CREB3L2: variants seen among roughly 807,000 people sequenced by gnomAD.
CREB3L2 encodes cAMP responsive element binding protein 3 like 2, also known as cyclic AMP-responsive element-binding protein 3-like protein 2.
CREB3L2 carries 23 observed loss-of-function variants against 57.2 expected under a neutral mutation model. The observed-to-expected ratio is 0.40, with a 90% CI of 0.29 to 0.57. The LOEUF (loss-of-function observed/expected upper bound fraction) is 0.57. Ranked by LOEUF, CREB3L2 falls within the 20% of genes least tolerant of loss-of-function variation. The pLI, the probability that CREB3L2 is intolerant of heterozygous loss-of-function variation, is 0.42. For missense variants in CREB3L2, 628 were observed against 634.7 expected (o/e 0.99, Z 0.11); for synonymous variants, 268 against 265.1 (o/e 1.01, Z -0.11).
At chr7:137,890,709 T>G (rs528010227) in intron 8 of CREB3L2, among the ~76,000 whole-genome samples, 19 of 152,314 alleles carry the variant, frequency 1.2e-4, no homozygotes, top group African/African-American at 4.3e-4. Flanking sequence ...GGAAAGCCTG[T>G]GACCTCGTAA....
intron 1 of CREB3L2, among the ~76,000 whole-genome samples, chr7:137,972,215 C>A (rs868362166): frequency 4.0e-5 from 6 of 151,834 alleles, no homozygotes; most frequent in African/African-American, 1.5e-4. Flanking sequence ...CTGAGGCGGG[C>A]GGATCACAAT....
At chr7:137,990,047 C>T (rs1488548782) in intron 1 of CREB3L2, among the ~76,000 whole-genome samples, 4 of 152,314 alleles carry the variant, frequency 2.6e-5, no homozygotes, top group Non-Finnish European at 4.4e-5. Flanking sequence ...AAATACATTT[C>T]TGCTCCTGTC....
chr7:137,962,386 C>T lies in CREB3L2; in HGVS notation c.103-34020G>A, dbSNP rs1801337506. ...CCTCTACTCAAATCCTGAATCTCAT[C>T]AGGATGAACAAAGGGTTTCTAGGCC... On this transcript the variant is annotated intron_variant, in intron 1 of 11. Coordinates refer to ENST00000330387, the MANE Select transcript of CREB3L2 (RefSeq NM_194071.4). Among the ~76,000 whole-genome samples the T allele has an allele frequency of 2.0e-5, 3 of 152,118 alleles. No individual in the cohort carries two copies. The South Asian group carries it at 6.2e-4, about 32-fold the overall frequency.
chr7:137,958,174 C>G (rs879565869), intron 1 of CREB3L2, among the ~76,000 whole-genome samples: 4 of 152,170 alleles, frequency 2.6e-5, no homozygotes, highest in African/African-American at 4.8e-5. Context: ...TCAATTTGAA[C>G]AGTTCACACT....
At chr7:137,895,650 A>AAAAAAAAAAAAG (rs1295924394) in intron 8 of CREB3L2, among the ~76,000 whole-genome samples, 43 of 150,196 alleles carry the variant, frequency 2.9e-4, no homozygotes, top group Non-Finnish European at 4.4e-4. Context: ...TACAAAAAAA[A>AAAAAAAAAAAAG]AAAGAAAGAA....
At chr7:137,935,970 C>T in intron 1 of CREB3L2, 2 of 979,930 alleles carry the variant, frequency 2.0e-6, no homozygotes, top group Non-Finnish European at 2.4e-6. Flanking sequence ...CCACTTCCTG[C>T]TGCTAACAAC....
At chr7:137,960,805 A>ATTTTTTTTTT (rs1338965683) in intron 1 of CREB3L2, among the ~76,000 whole-genome samples, 1 of 81,956 alleles carries the variant, frequency 1.2e-5, no homozygotes, top group Non-Finnish European at 2.4e-5. Flanking sequence ...AAACTAAATT[A>ATTTTTTTTTT]TTTCTTTTTT....
intron 1 of CREB3L2, among the ~76,000 whole-genome samples, chr7:137,979,443 C>T (rs996721724): frequency 2.0e-5 from 3 of 152,080 alleles, no homozygotes; most frequent in Non-Finnish European, 1.5e-5. Context: ...AAGAATGCTG[C>T]CGGCCGGGCG....
chr7:137,956,557 T>G, intron 1 of CREB3L2: 2 of 1,268,272 alleles, frequency 1.6e-6, no homozygotes, highest in Non-Finnish European at 2.1e-6. Context: ...CAAACTGCCA[T>G]TGCACTCTCT....
intron 1 of CREB3L2, among the ~76,000 whole-genome samples, chr7:137,978,547 A>G (rs1199017919): frequency 6.6e-6 from 1 of 152,192 alleles, no homozygotes; most frequent in Non-Finnish European, 1.5e-5. Context: ...GAAGTTGGCA[A>G]TGGCAGGCCC....
chr7:137,968,094 T>G (rs1229604785), intron 1 of CREB3L2, among the ~76,000 whole-genome samples: 1 of 152,206 alleles, frequency 6.6e-6, no homozygotes, highest in Non-Finnish European at 1.5e-5. Context: ...TTTCTGACTT[T>G]AAAGTCTATT....
chr7:137,985,469 G>T (rs1027529294), intron 1 of CREB3L2, among the ~76,000 whole-genome samples: 1 of 152,170 alleles, frequency 6.6e-6, no homozygotes, highest in African/African-American at 2.4e-5. Context: ...GAGCGCTTCA[G>T]CTTGTCCCTG....
At chr7:137,922,714 A>G in intron 2 of CREB3L2, 1 of 434,880 alleles carries the variant, frequency 2.3e-6, no homozygotes, top group Non-Finnish European at 4.7e-6. Flanking sequence ...AGGATGCAAA[A>G]CCCAAGCACA....
intron 1 of CREB3L2, among the ~76,000 whole-genome samples, chr7:137,936,675 C>G (rs1191325705): frequency 6.6e-6 from 1 of 152,188 alleles, no homozygotes; most frequent in Non-Finnish European, 1.5e-5. Context: ...CACAGCCCAG[C>G]ATTTCAGGAG....
rs1045499251 is a variant in CREB3L2 at position 137,878,285 on chromosome 7, T to G, written c.*2191A>C. The stretch of plus-strand genomic sequence containing the variant: ...GCCTTGAAAACCCAGTCTGGTTCAG[T>G]TGCAGCAGGTACATGGGTTGGCTCA... On this transcript the variant is annotated 3_prime_UTR_variant, in exon 12 of 12. Coordinates refer to ENST00000330387, the MANE Select transcript of CREB3L2 (RefSeq NM_194071.4). 1.3e-5 allele frequency: 3 copies of G among 232,830 alleles called. No individual in the cohort carries two copies. Among genetic ancestry groups the G allele is most frequent in the Non-Finnish European group, 2.5e-5 (3 of 117,842 alleles). The allele number at this position is 232,830 out of a possible 1,614,324, so 14.4% of individuals were successfully genotyped here.
At chr7:137,889,969 T>C (rs182004743) in intron 8 of CREB3L2, among the ~76,000 whole-genome samples, 23 of 152,296 alleles carry the variant, frequency 1.5e-4, no homozygotes, top group Non-Finnish European at 2.6e-4. Context: ...CATTCCAACA[T>C]GGTACAGCAT....
At chr7:137,901,447 AATT>A in intron 7 of CREB3L2, 25 bp from the exon 8 acceptor site, 1 of 1,503,720 alleles carries the variant, frequency 6.7e-7, no homozygotes, top group Non-Finnish European at 9.3e-7. Flanking sequence ...GAAAGAAGAA[AATT>A]ATTATCCATA....
Position 137,982,369 on chromosome 7 carries a change from C to T in CREB3L2, c.102+19235G>A, listed in dbSNP as rs567196357. ...GGGAACCTTATGAAACTCTAGTGAA[C>T]CCCCAGTGCTATGGGGTTGAATTGT... On this transcript the variant is annotated intron_variant, in intron 1 of 11. Coordinates refer to ENST00000330387, the MANE Select transcript of CREB3L2 (RefSeq NM_194071.4). Among the ~76,000 whole-genome samples, 11 of 152,230 alleles carry T rather than the reference C, an allele frequency of 7.2e-5. No homozygotes were observed. The South Asian group carries it at 2.3e-3, about 32-fold the overall frequency.
In CREB3L2 at chr7:137,980,484, T is replaced by C. The variant is rs1378337161; in HGVS notation, c.102+21120A>G. 2.0e-5 allele frequency among the ~76,000 whole-genome samples: 3 copies of C among 152,162 alleles called. No homozygotes were observed. The highest frequency in any genetic ancestry group is 3.2e-3 in the Middle Eastern group (1 of 314). On this transcript the variant is annotated intron_variant, in intron 1 of 11. Coordinates refer to ENST00000330387, the MANE Select transcript of CREB3L2 (RefSeq NM_194071.4). This position sits in a 1 kb window ranked among gnomAD's most constrained non-coding sequence, Gnocchi z 4.3. ...TTATGCAAGTGACCACAGGCTCAGTTAAAAAGGTTCCAAACTGGTGGGGGG... is the reference window on the plus strand; with the variant it reads ...TTATGCAAGTGACCACAGGCTCAGTCAAAAAGGTTCCAAACTGGTGGGGGG...
Sources: gnomAD v4.1 joint callset for allele counts (sites outside exome capture counted in the v4.1 genomes callset) on GRCh38, gnomAD v4.1.1 for gene constraint, Gnocchi (gnomAD v3.1) non-coding constraint, MANE v1.5 for transcripts, NCBI Gene and HGNC (gene_info 2026-07-23, HGNC 2026-07-21) for gene names.